Variants in NDFIP2 observed in about 807,000 individuals in gnomAD.
The protein encoded by NDFIP2 is Nedd4 family interacting protein 2.
Under a neutral mutation model 36.0 loss-of-function variants are expected in NDFIP2, and 19 were observed. That is an observed-to-expected ratio of 0.53 (90% CI 0.37 to 0.77). The LOEUF is 0.77. Ranked by LOEUF, NDFIP2 falls within the 30% of genes least tolerant of loss-of-function variation. The pLI is 0.00. For synonymous variants in NDFIP2, 181 were observed against 167.7 expected, an observed-to-expected ratio of 1.08 and a Z score of -0.61; for missense variants, 446 against 435.8, an observed-to-expected ratio of 1.02 and a Z score of -0.21.
At chr13:79,516,595 G>A (rs1462356484) in intron 1 of NDFIP2, among the ~76,000 whole-genome samples, 5 of 152,106 alleles carry the variant, frequency 3.3e-5, no homozygotes, top group Admixed American at 2.0e-4. Flanking sequence ...GCTAAATATA[G>A]TAATAATATG....
intron 1 of NDFIP2, among the ~76,000 whole-genome samples, chr13:79,507,122 A>G (rs548160549): frequency 1.6e-4 from 24 of 152,224 alleles, no homozygotes; most frequent in African/African-American, 5.3e-4. Flanking sequence ...TTGCTTTTTT[A>G]GGGCATATAA....
chr13:79,548,415 T>C, intron 6 of NDFIP2, 21 bp downstream of exon 6: 1 of 1,532,104 alleles, frequency 6.5e-7, no homozygotes, highest in Non-Finnish European at 9.0e-7. Flanking sequence ...TCTTAATGCA[T>C]TTAGTTTAAC....
At chr13:79,526,440 A>G (rs1408768463) in intron 2 of NDFIP2, among the ~76,000 whole-genome samples, 1 of 152,210 alleles carries the variant, frequency 6.6e-6, no homozygotes, top group East Asian at 1.9e-4. Context: ...TTCTTAATCC[A>G]TGAATGAAAT....
chr13:79,550,230 A>G (rs1875852625), intron 6 of NDFIP2, among the ~76,000 whole-genome samples: 1 of 151,798 alleles, frequency 6.6e-6, no homozygotes, highest in African/African-American at 2.4e-5. Flanking sequence ...TTTTATACTT[A>G]TCTAATATTT....
intron 7 of NDFIP2, among the ~76,000 whole-genome samples, chr13:79,551,401 A>G (rs1875904800): frequency 6.6e-6 from 1 of 151,522 alleles, no homozygotes; most frequent in Admixed American, 6.6e-5. Context: ...CTCTTTAAAG[A>G]TTAACCATAG....
At chr13:79,522,743 A>G (rs1426503230) in intron 2 of NDFIP2, among the ~76,000 whole-genome samples, 1 of 152,198 alleles carries the variant, frequency 6.6e-6, no homozygotes, top group Non-Finnish European at 1.5e-5. Context: ...ACACTTCCTC[A>G]GTAGATGGTG....
At chr13:79,524,348 T>G (rs981250078) in intron 2 of NDFIP2, among the ~76,000 whole-genome samples, 1 of 152,250 alleles carries the variant, frequency 6.6e-6, no homozygotes, top group Non-Finnish European at 1.5e-5. Context: ...CAGGGAGACA[T>G]CTACAGTTTC....
intron 2 of NDFIP2, among the ~76,000 whole-genome samples, chr13:79,527,335 A>G (rs1874841258): frequency 6.6e-6 from 1 of 152,248 alleles, no homozygotes. Flanking sequence ...ATATAAAATG[A>G]CATATATGAT....
intron 3 of NDFIP2, among the ~76,000 whole-genome samples, chr13:79,537,936 C>T (rs1330356371): frequency 6.6e-6 from 1 of 152,114 alleles, no homozygotes; most frequent in African/African-American, 2.4e-5. Context: ...GTTCTGCAGA[C>T]TGTATAGGAA....
intron 1 of NDFIP2, among the ~76,000 whole-genome samples, chr13:79,509,472 T>C (rs566353647): frequency 3.9e-5 from 6 of 152,286 alleles, no homozygotes; most frequent in East Asian, 3.9e-4. Flanking sequence ...GAATAGATTA[T>C]AAATGCTTCT....
chr13:79,530,908 A>G (rs888572105), intron 2 of NDFIP2, among the ~76,000 whole-genome samples: 1 of 152,188 alleles, frequency 6.6e-6, no homozygotes, highest in African/African-American at 2.4e-5. Flanking sequence ...ACCTTCTCCC[A>G]TGATCCTGAA....
chr13:79,540,858 T>C (rs1274136232), intron 4 of NDFIP2, among the ~76,000 whole-genome samples: 2 of 152,170 alleles, frequency 1.3e-5, no homozygotes, highest in Non-Finnish European at 2.9e-5. Context: ...AACCAGCTAA[T>C]GTATATGCAA....
intron 5 of NDFIP2, among the ~76,000 whole-genome samples, chr13:79,547,376 A>G (rs1875727815): frequency 6.6e-6 from 1 of 152,150 alleles, no homozygotes; most frequent in African/African-American, 2.4e-5. Context: ...AATCATTTTT[A>G]GTTACATCAG....
At chr13:79,495,984 C>T (rs866711813) in intron 1 of NDFIP2, among the ~76,000 whole-genome samples, 1 of 151,830 alleles carries the variant, frequency 6.6e-6, no homozygotes, top group African/African-American at 2.4e-5. Flanking sequence ...CCAGCCCCTT[C>T]TAATTTCAGT....
chr13:79,523,809 G>A (rs1225447936), intron 2 of NDFIP2, among the ~76,000 whole-genome samples: 2 of 152,190 alleles, frequency 1.3e-5, no homozygotes, highest in Non-Finnish European at 2.9e-5. Flanking sequence ...TCAGAAGGGG[G>A]ATTGTCTACT....
intron 1 of NDFIP2, among the ~76,000 whole-genome samples, chr13:79,514,973 G>C (rs1418921337): frequency 6.6e-6 from 1 of 152,194 alleles, no homozygotes. Context: ...ATACAGTCAT[G>C]TGTGGCTGAA....
intron 2 of NDFIP2, among the ~76,000 whole-genome samples, chr13:79,530,899 CCTT>C (rs1304238295): frequency 6.6e-6 from 1 of 152,198 alleles, no homozygotes; most frequent in African/African-American, 2.4e-5. Context: ...CATATTTTGA[CCTT>C]CTCCCATGAT....
chr13:79,522,204 G>A (rs1874614421), intron 2 of NDFIP2, among the ~76,000 whole-genome samples: 1 of 152,098 alleles, frequency 6.6e-6, no homozygotes, highest in South Asian at 2.1e-4. Flanking sequence ...CAGTTTTTAT[G>A]TTGATAACAA....
intron 2 of NDFIP2, among the ~76,000 whole-genome samples, chr13:79,530,567 C>T (rs1318554544): frequency 5.3e-5 from 8 of 152,220 alleles, no homozygotes; most frequent in Admixed American, 5.2e-4. Flanking sequence ...AGTCAATTCT[C>T]TCAATCCCTG....
Sources: gnomAD v4.1 joint callset for allele counts (sites outside exome capture counted in the v4.1 genomes callset) on GRCh38, gnomAD v4.1.1 for gene constraint, MANE v1.5 for transcripts, NCBI Gene and HGNC (gene_info 2026-07-23, HGNC 2026-07-21) for gene names.